Variants in EVA1A observed in about 807,000 individuals in gnomAD.
EVA1A encodes the protein protein eva-1 homolog A.
EVA1A carries 7 observed loss-of-function variants against 9.8 expected under a neutral mutation model. The ratio of observed to expected loss-of-function variants is 0.71; its 90% CI spans 0.41 to 1.34. The LOEUF is 1.34. Ranked by LOEUF, EVA1A falls within the 40% of genes most tolerant of loss-of-function variation. The pLI is 0.01. For missense variants in EVA1A, 206 were observed against 205.9 expected (o/e 1.00, Z 0.00); for synonymous variants, 90 against 85.6 (o/e 1.05, Z -0.28).
At chr2:75,531,570 A>G (rs1306749632) in intron 1 of EVA1A, among the ~76,000 whole-genome samples, 1 of 152,060 alleles carries the variant, frequency 6.6e-6, no homozygotes, top group Non-Finnish European at 1.5e-5. Context: ...ATGATGGAAT[A>G]CTACTCAGCC....
At chr2:75,523,548 A>G (rs573656852) in intron 1 of EVA1A, among the ~76,000 whole-genome samples, 1 of 152,326 alleles carries the variant, frequency 6.6e-6, no homozygotes, top group African/African-American at 2.4e-5. Context: ...AGCACTGATA[A>G]GCACCTGGGG....
intron 1 of EVA1A, among the ~76,000 whole-genome samples, chr2:75,538,415 C>T (rs1185895727): frequency 6.6e-6 from 1 of 152,170 alleles, no homozygotes; most frequent in Non-Finnish European, 1.5e-5. Flanking sequence ...TTAAAAAATA[C>T]AACACCATTT....
intron 1 of EVA1A, among the ~76,000 whole-genome samples, chr2:75,534,435 T>C (rs891720577): frequency 3.3e-5 from 5 of 150,456 alleles, no homozygotes; most frequent in Admixed American, 2.6e-4. Context: ...AAAAACTATA[T>C]GAAGAAATAC....
At chr2:75,514,995 T>G (rs1326389632) in intron 3 of EVA1A, among the ~76,000 whole-genome samples, 1 of 152,222 alleles carries the variant, frequency 6.6e-6, no homozygotes, top group East Asian at 1.9e-4. Context: ...AGTCAAGTCT[T>G]TGAGAAATGT....
At chr2:75,494,924 T>C (rs1244222632) in intron 3 of EVA1A, among the ~76,000 whole-genome samples, 1 of 152,152 alleles carries the variant, frequency 6.6e-6, no homozygotes, top group African/African-American at 2.4e-5. Context: ...CTGTTAATGA[T>C]CAGTATGCTT....
chr2:75,533,930 G>A (rs1422410407), intron 1 of EVA1A, among the ~76,000 whole-genome samples: 1 of 151,892 alleles, frequency 6.6e-6, no homozygotes, highest in Admixed American at 6.6e-5. Context: ...TCCTGCCTCA[G>A]CCTCCCGAGT....
intron 1 of EVA1A, among the ~76,000 whole-genome samples, chr2:75,533,185 A>T (rs984046338): frequency 2.6e-5 from 4 of 151,866 alleles, no homozygotes; most frequent in Non-Finnish European, 5.9e-5. Flanking sequence ...AAGAAAAAAG[A>T]AAGAAAAAAA....
upstream of EVA1A, among the ~76,000 whole-genome samples, chr2:75,565,291 C>A (rs1572999848): frequency 6.6e-6 from 1 of 152,176 alleles, no homozygotes; most frequent in East Asian, 1.9e-4. Context: ...TTTTTTTAAA[C>A]CTTTCCAGAT....
chr2:75,550,402 T>C (rs1676480541), intron 1 of EVA1A, among the ~76,000 whole-genome samples: 1 of 152,198 alleles, frequency 6.6e-6, no homozygotes, highest in South Asian at 2.1e-4. Flanking sequence ...AACCCCACTA[T>C]GGTCTAGGTC....
At chr2:75,537,861 C>T (rs1675971381) in intron 1 of EVA1A, among the ~76,000 whole-genome samples, 1 of 152,202 alleles carries the variant, frequency 6.6e-6, no homozygotes, top group Non-Finnish European at 1.5e-5. Context: ...CTTCCTGAGG[C>T]CTCACCAGAA....
intron 2 of EVA1A, 120 bp from the exon 3 acceptor site, chr2:75,518,328 G>T: frequency 8.8e-7 from 1 of 1,133,584 alleles, no homozygotes; most frequent in Admixed American, 3.1e-5. Flanking sequence ...TGTCCTTTGG[G>T]GCTTTGGAAA....
chr2:75,552,946 A>T (rs1000078635), intron 1 of EVA1A, among the ~76,000 whole-genome samples: 2 of 152,182 alleles, frequency 1.3e-5, no homozygotes, highest in African/African-American at 4.8e-5. Context: ...CAAAACTTTG[A>T]CCCAGTCTCT....
chr2:75,549,006 A>T lies in EVA1A; in HGVS notation c.-192+11674T>A, dbSNP rs1297634958. 5.8e-3 allele frequency among the ~76,000 whole-genome samples: 734 copies of T among 126,184 alleles called. 5 individuals carry two copies. Among genetic ancestry groups the T allele is most frequent in the Non-Finnish European group, 8.9e-3 (553 of 62,470 alleles). The allele number at this position is 126,184 out of a possible 152,430, so 82.8% of individuals were successfully genotyped here. ...AAAATATATATATATATATATATAT[A>T]TATTTTTTTTTTTTTTACTAATAAA... On this transcript the variant is annotated intron_variant, in intron 1 of 3. Coordinates refer to ENST00000393913, the MANE Select transcript of EVA1A (RefSeq NM_001135032.2).
intron 3 of EVA1A, among the ~76,000 whole-genome samples, chr2:75,499,110 C>G (rs916625454): frequency 3.3e-5 from 5 of 152,160 alleles, no homozygotes; most frequent in African/African-American, 1.2e-4. Flanking sequence ...AATTCTTAAG[C>G]CCTCAGATAG....
intron 1 of EVA1A, among the ~76,000 whole-genome samples, chr2:75,546,926 A>G (rs867764057): frequency 9.3e-5 from 14 of 150,402 alleles, no homozygotes; most frequent in African/African-American, 1.5e-4. Flanking sequence ...AAAAAAAAAA[A>G]ACACCTAAGG....
At chr2:75,517,361 A>C (rs60484783) in intron 3 of EVA1A, among the ~76,000 whole-genome samples, 2,574 of 152,240 alleles carry the variant, frequency 0.017, 70 homozygotes, top group African/African-American at 0.059. Flanking sequence ...AAAACAAAAG[A>C]AAAGTATCAA....
intron 1 of EVA1A, among the ~76,000 whole-genome samples, chr2:75,535,662 C>A (rs1675856968): frequency 1.3e-5 from 2 of 152,136 alleles, no homozygotes; most frequent in South Asian, 4.1e-4. Flanking sequence ...AGGCCATTAT[C>A]CTAAGTGAAA....
Position 75,512,773 on chromosome 2 carries a change from T to G in EVA1A, c.85+5283A>C, listed in dbSNP as rs535405459. On this transcript the variant is annotated intron_variant, in intron 3 of 3. Coordinates refer to ENST00000393913, the MANE Select transcript of EVA1A (RefSeq NM_001135032.2). ...CCAATAATTCTTTGTTGCAGGAGAT[T>G]GTCCTGTGCATTGTAGGATGCTTCT... 3.0e-3 allele frequency among the ~76,000 whole-genome samples: 458 copies of G among 152,234 alleles called. 3 individuals carry two copies. The highest frequency in any genetic ancestry group is 4.6e-3 in the Admixed American group (71 of 15,292).
At position 75,517,690 on chromosome 2, in the gene EVA1A, G is replaced by T. The variant is rs1425036269; in HGVS notation, c.85+366C>A. ...ACACACACAGTCTCACACACAGGCA[G>T]CCTGTGTGAGGTTAACTGCATAGAA... is the stretch of plus-strand genomic sequence containing the variant. On this transcript the variant is annotated intron_variant, in intron 3 of 3. Coordinates refer to ENST00000393913, the MANE Select transcript of EVA1A (RefSeq NM_001135032.2). The T allele has an allele frequency of 9.1e-6, 6 of 662,758 alleles. No homozygotes were observed. In the African/African-American group the frequency reaches 1.1e-4, roughly 12 times the overall value. The allele number at this position is 662,758 out of a possible 1,614,324, so 41.1% of individuals were successfully genotyped here. A position where few individuals can be genotyped will look rare whatever the true frequency, so the allele number is the denominator to read the frequency against.
Sources: allele counts gnomAD v4.1 joint callset (sites outside exome capture counted in the v4.1 genomes callset), GRCh38; gene constraint gnomAD v4.1.1; transcripts MANE v1.5; gene names NCBI Gene and HGNC (gene_info 2026-07-23, HGNC 2026-07-21).